Variants in PIP5K1B observed in about 807,000 individuals in gnomAD.
The protein encoded by PIP5K1B is phosphatidylinositol-4-phosphate 5-kinase type 1 beta, also known as phosphatidylinositol 4-phosphate 5-kinase type-1 beta.
Under a neutral mutation model 67.0 loss-of-function variants are expected in PIP5K1B, and 42 were observed. The observed-to-expected ratio is 0.63, with a 90% CI of 0.49 to 0.81. The LOEUF (loss-of-function observed/expected upper bound fraction) is 0.81, where lower values mean the gene tolerates loss of function less well. PIP5K1B is among the 30% of genes least tolerant of loss of function. The probability of loss-of-function intolerance (pLI) is 0.00; values close to 1 mark genes in which losing one functional copy is unlikely to be tolerated. For synonymous variants in PIP5K1B, 214 were observed against 231.4 expected, an observed-to-expected ratio of 0.92 and a Z score of 0.68; for missense variants, 459 against 646.3, an observed-to-expected ratio of 0.71 and a Z score of 3.14.
intron 6 of PIP5K1B, among the ~76,000 whole-genome samples, chr9:68,878,094 T>G (rs1005288938): frequency 2.0e-5 from 3 of 151,672 alleles, no homozygotes; most frequent in Non-Finnish European, 4.4e-5. Flanking sequence ...CTGTAATTAC[T>G]GAGGGTTGCC....
At chr9:68,889,427 C>CA (rs1411598148) in intron 7 of PIP5K1B, among the ~76,000 whole-genome samples, 1 of 152,092 alleles carries the variant, frequency 6.6e-6, no homozygotes, top group African/African-American at 2.4e-5. Flanking sequence ...TTAGTTCCCT[C>CA]AGTCTTTAAA....
At chr9:68,723,160 C>CTGTG (rs35701836) in intron 1 of PIP5K1B, among the ~76,000 whole-genome samples, 70 of 150,832 alleles carry the variant, frequency 4.6e-4, no homozygotes, top group African/African-American at 1.6e-3. Context: ...TAATATTCCT[C>CTGTG]TGTGTGTGTG....
At chr9:68,789,070 T>C in intron 2 of PIP5K1B, 1 of 501,036 alleles carries the variant, frequency 2.0e-6, no homozygotes, top group East Asian at 5.0e-5. Context: ...TCAGCAGCAA[T>C]TGTAGAACCT....
chr9:68,882,987 G>A (rs75663437), intron 6 of PIP5K1B, among the ~76,000 whole-genome samples: 6 of 152,156 alleles, frequency 3.9e-5, no homozygotes, highest in Admixed American at 3.3e-4. Context: ...TGAGTATATT[G>A]TAGGCCGTGT....
chr9:68,901,178 G>A (rs953579207), intron 8 of PIP5K1B, among the ~76,000 whole-genome samples: 4 of 152,112 alleles, frequency 2.6e-5, no homozygotes, highest in African/African-American at 9.7e-5. Context: ...TAAGGAATTC[G>A]ATTTTGTTTT....
chr9:68,877,340 A>G (rs1330136075), intron 6 of PIP5K1B, among the ~76,000 whole-genome samples: 1 of 152,232 alleles, frequency 6.6e-6, no homozygotes, highest in African/African-American at 2.4e-5. Flanking sequence ...GCCTTCTGGC[A>G]CACAAGAGGT....
At chr9:68,952,490 C>T (rs917472497) in intron 14 of PIP5K1B, among the ~76,000 whole-genome samples, 3 of 152,170 alleles carry the variant, frequency 2.0e-5, no homozygotes, top group Non-Finnish European at 4.4e-5. Context: ...TTGCTTCTTC[C>T]TCTTTCTTGG....
chr9:68,725,069 T>C (rs1372481033), intron 1 of PIP5K1B, among the ~76,000 whole-genome samples: 1 of 152,232 alleles, frequency 6.6e-6, no homozygotes, highest in Non-Finnish European at 1.5e-5. Flanking sequence ...TTTATCATTC[T>C]CACTATTTTA....
intron 2 of PIP5K1B, among the ~76,000 whole-genome samples, chr9:68,797,541 G>A (rs913642252): frequency 7.9e-5 from 12 of 152,094 alleles, no homozygotes; most frequent in Non-Finnish European, 1.3e-4. Flanking sequence ...AATCTTCATT[G>A]TTTATTCCTT....
At chr9:68,784,635 G>A (rs1831504908) in intron 2 of PIP5K1B, 1 of 166,554 alleles carries the variant, frequency 6.0e-6, no homozygotes, top group African/African-American at 2.4e-5. Context: ...TTTTTTTCAG[G>A]GTGTGTTTAT....
intron 15 of PIP5K1B, among the ~76,000 whole-genome samples, chr9:69,007,672 A>G (rs1398653738): frequency 2.0e-5 from 3 of 152,158 alleles, no homozygotes; most frequent in Non-Finnish European, 4.4e-5. Context: ...CCTGGCTAAC[A>G]CAGTGAAACC....
At chr9:68,864,704 A>G (rs942507411) in intron 5 of PIP5K1B, among the ~76,000 whole-genome samples, 1 of 152,240 alleles carries the variant, frequency 6.6e-6, no homozygotes, top group African/African-American at 2.4e-5. Flanking sequence ...ACGTTCATTT[A>G]GGAAGAGAAG....
chr9:68,871,284 T>A (rs1320358986), intron 5 of PIP5K1B, among the ~76,000 whole-genome samples: 1 of 152,204 alleles, frequency 6.6e-6, no homozygotes, highest in Admixed American at 6.5e-5. Context: ...ACGTCAAGTC[T>A]AAGTTAAGCC....
chr9:68,792,392 A>G (rs1366168891), intron 2 of PIP5K1B, among the ~76,000 whole-genome samples: 3 of 152,172 alleles, frequency 2.0e-5, no homozygotes, highest in Non-Finnish European at 4.4e-5. Flanking sequence ...TCCATTTACA[A>G]CACAGTGCCA....
intron 2 of PIP5K1B, among the ~76,000 whole-genome samples, chr9:68,761,927 A>G (rs772025503): frequency 6.6e-6 from 1 of 152,124 alleles, no homozygotes; most frequent in Non-Finnish European, 1.5e-5. Context: ...TATTCTGCCT[A>G]TCGCATTGCC....
At chr9:68,747,575 A>G (rs1829383416) in intron 2 of PIP5K1B, among the ~76,000 whole-genome samples, 1 of 152,048 alleles carries the variant, frequency 6.6e-6, no homozygotes, top group African/African-American at 2.4e-5. Context: ...TAATTTTAGG[A>G]GAGTTGGAGG....
At chr9:68,857,334 C>T (rs1057344017) in intron 4 of PIP5K1B, among the ~76,000 whole-genome samples, 1 of 152,208 alleles carries the variant, frequency 6.6e-6, no homozygotes, top group Non-Finnish European at 1.5e-5. Flanking sequence ...GAGGTGGTCC[C>T]ACTTCCTCTC....
intron 2 of PIP5K1B, among the ~76,000 whole-genome samples, chr9:68,763,270 T>G (rs1227893625): frequency 6.6e-6 from 1 of 152,068 alleles, no homozygotes; most frequent in Non-Finnish European, 1.5e-5. Context: ...CTTGCAGATA[T>G]TTGAGTATGA....
At chr9:69,004,288 G>A (rs1179801865) in intron 15 of PIP5K1B, among the ~76,000 whole-genome samples, 1 of 152,060 alleles carries the variant, frequency 6.6e-6, no homozygotes, top group Admixed American at 6.5e-5. Context: ...GAGTATCTCA[G>A]TGCATAGGCA....
Sources: allele counts gnomAD v4.1 joint callset (sites outside exome capture counted in the v4.1 genomes callset), GRCh38; gene constraint gnomAD v4.1.1; transcripts MANE v1.5; gene names NCBI Gene and HGNC (gene_info 2026-07-23, HGNC 2026-07-21).